The following PDGFRB variants were observed in gnomAD, a reference collection of about 807,000 sequenced individuals.
PDGFRB encodes the protein platelet derived growth factor receptor beta.
In PDGFRB, 42 loss-of-function variants were observed where a neutral mutation model predicts 120.2. The observed-to-expected ratio is 0.35, with a 90% CI of 0.27 to 0.45. PDGFRB has a LOEUF of 0.45. PDGFRB is among the 20% of genes least tolerant of loss of function. The probability of loss-of-function intolerance (pLI) is 1.00; values close to 1 mark genes in which losing one functional copy is unlikely to be tolerated. For synonymous variants in PDGFRB, 586 were observed against 606.8 expected (o/e 0.97, Z 0.50); for missense variants, 1,149 against 1,476.3 (o/e 0.78, Z 3.63).
chr5:150,152,143 G>C (rs1761095630), intron 1 of PDGFRB, among the ~76,000 whole-genome samples: 1 of 151,980 alleles, frequency 6.6e-6, no homozygotes, highest in Non-Finnish European at 1.5e-5. Flanking sequence ...CAGACCTCGG[G>C]TGATCCACCC....
rs1420327917 is a variant in PDGFRB at position 150,123,216 on chromosome 5, G to C, written c.2024-15C>G. ...ATAGATGGGTCCTGCAGAGGGACAG[G>C]CTCAGGGACAGTCCCTATGGAGGCC... On this transcript the variant is annotated splice_polypyrimidine_tract_variant and intron_variant, in intron 14 of 22. Coordinates refer to ENST00000261799, the MANE Select transcript of PDGFRB (RefSeq NM_002609.4). 1 of 1,606,902 alleles carries C rather than the reference G, an allele frequency of 6.2e-7. No individual in the cohort carries two copies. Among genetic ancestry groups the C allele is most frequent in the Non-Finnish European group, 8.5e-7 (1 of 1,175,570 alleles).
At chr5:150,142,844 TTC>T (rs1330294566) in intron 1 of PDGFRB, among the ~76,000 whole-genome samples, 7 of 152,178 alleles carry the variant, frequency 4.6e-5, no homozygotes, top group Admixed American at 4.6e-4. Flanking sequence ...TGTGACTGTG[TTC>T]TCTCTCTTAA....
At chr5:150,133,127 TG>T (rs1430690736) in intron 6 of PDGFRB, among the ~76,000 whole-genome samples, 185 bp from the exon 7 acceptor site, 4 of 152,152 alleles carry the variant, frequency 2.6e-5, no homozygotes, top group Non-Finnish European at 4.4e-5. Context: ...GGGGCTAATA[TG>T]GATGCTGGGG....
At position 150,132,856 on chromosome 5, in the gene PDGFRB, C is replaced by T. The variant is rs942220808; in HGVS notation, c.1021G>A (p.Glu341Lys). Reference sequence around the variant, plus strand: ...AGGACAGTGGGCGGTGGGTAGGCCTCGAACACTACCTGCAGTGTCCGGCTC... The same window carrying T: ...AGGACAGTGGGCGGTGGGTAGGCCTTGAACACTACCTGCAGTGTCCGGCTC... ...HRSRTLQVVF[E>K]AYPPPTVLWF... Residue 341 changes from glutamate to lysine, a missense_variant, in exon 7 of 23, where the codon GAG (glutamate) becomes AAG (lysine). By Grantham distance (56) the Glu-to-Lys change is moderately conservative. Coordinates refer to ENST00000261799, the MANE Select transcript of PDGFRB (RefSeq NM_002609.4). The surrounding 1 kb of genome is among the most constrained non-coding windows in gnomAD (Gnocchi z 5.0). 5 of 1,607,098 alleles carry T rather than the reference C, an allele frequency of 3.1e-6. No homozygotes were observed. Among genetic ancestry groups the T allele is most frequent in the African/African-American group, 2.7e-5 (2 of 74,818 alleles).
intron 10 of PDGFRB, among the ~76,000 whole-genome samples, chr5:150,128,876 T>C (rs1161437056): frequency 1.3e-5 from 2 of 152,194 alleles, no homozygotes; most frequent in African/African-American, 4.8e-5. Flanking sequence ...CCTTTGACCT[T>C]TATACTTCAA....
intron 1 of PDGFRB, among the ~76,000 whole-genome samples, chr5:150,139,588 C>T (rs12523235): frequency 0.22 from 33,481 of 152,028 alleles, 3,950 homozygotes; most frequent in African/African-American, 0.28. Context: ...TCTCATTCCA[C>T]GAAAGGAATT....
chr5:150,127,681 A>C (rs1394954223), intron 10 of PDGFRB, among the ~76,000 whole-genome samples: 1 of 151,818 alleles, frequency 6.6e-6, no homozygotes, highest in African/African-American at 2.4e-5. Flanking sequence ...TAAAAATACA[A>C]AAAATAGCTG....
intron 1 of PDGFRB, chr5:150,137,288 T>G (rs1760660510): frequency 4.0e-6 from 2 of 499,386 alleles, no homozygotes; most frequent in African/African-American, 4.0e-5. Context: ...TTGGCTCTGC[T>G]TGTGACTCTC....
intron 11 of PDGFRB, among the ~76,000 whole-genome samples, 165 bp from the exon 12 acceptor site, chr5:150,125,742 C>T (rs1413112932): frequency 1.3e-5 from 2 of 152,190 alleles, no homozygotes; most frequent in Admixed American, 6.5e-5. Context: ...CCAAGGTCTT[C>T]GTGGGCTCGG....
At chr5:150,119,965 A>G in intron 19 of PDGFRB, 47 bp downstream of exon 19, 1 of 954,354 alleles carries the variant, frequency 1.0e-6, no homozygotes, top group African/African-American at 1.6e-5. Flanking sequence ...TGGTCGAGGT[A>G]GACACCAGGC....
rs537184213 is a variant in PDGFRB, at chr5:150,138,278, C to T, written c.-6-1225G>A. ...GCCTGGCCTGCCTCTGAAGGCCATG[C>T]CCAGCTTGCCCCTACCTCCCCATCT... On this transcript the variant is annotated intron_variant, in intron 1 of 22. Coordinates refer to ENST00000261799, the MANE Select transcript of PDGFRB (RefSeq NM_002609.4). 5.3e-5 allele frequency among the ~76,000 whole-genome samples: 8 copies of T among 152,290 alleles called. No homozygotes were observed. The East Asian group carries it at 1.5e-3, about 29-fold the overall frequency.
At chr5:150,136,612 G>C (rs1013884125) in intron 2 of PDGFRB, among the ~76,000 whole-genome samples, 2 of 152,142 alleles carry the variant, frequency 1.3e-5, no homozygotes, top group African/African-American at 4.8e-5. Flanking sequence ...ACATGTTAAC[G>C]GGCAGGAGTG....
chr5:150,150,276 C>T (rs1397742748), intron 1 of PDGFRB, among the ~76,000 whole-genome samples: 4 of 152,166 alleles, frequency 2.6e-5, no homozygotes, highest in African/African-American at 4.8e-5. Flanking sequence ...ATGATCTGTA[C>T]GGACCTTAGG....
At chr5:150,154,632 G>A (rs1761180428) in intron 1 of PDGFRB, among the ~76,000 whole-genome samples, 1 of 152,216 alleles carries the variant, frequency 6.6e-6, no homozygotes, top group Non-Finnish European at 1.5e-5. Flanking sequence ...TTATGCTTTA[G>A]AATGGCATGG....
rs1760195420 is a variant in PDGFRB, at chr5:150,123,133, G to A, written c.2092C>T (p.His698Tyr). 6.2e-7 allele frequency: 1 copy of A among 1,613,758 alleles called. No individual in the cohort carries two copies. Among genetic ancestry groups the A allele is most frequent in the South Asian group, 1.1e-5 (1 of 91,086 alleles). ...DLVDYLHRNK[H>Y]TFLQHHSDKR... ...TCGGAGTGGTGCTGCAGGAAGGTGT[G>A]TTTGTTGCGGTGCAGGTAGTCCACC... The change falls in exon 15 of 23, where the codon CAC becomes TAC. Residue 698 changes from histidine (H) to tyrosine (Y), a missense_variant. Physicochemically the swap from His to Tyr is moderately conservative, Grantham distance 83 (BLOSUM62 2). Transcript: ENST00000261799.
chr5:150,117,299 T>C (rs1029939738), intron 22 of PDGFRB, among the ~76,000 whole-genome samples: 6 of 152,058 alleles, frequency 3.9e-5, no homozygotes, highest in African/African-American at 1.4e-4. Flanking sequence ...GCTTCTTCTT[T>C]TTGGGGCTAG....
At chr5:150,116,027 T>C in intron 22 of PDGFRB, 81 bp from the exon 23 acceptor site, 1 of 1,237,282 alleles carries the variant, frequency 8.1e-7, no homozygotes, top group Non-Finnish European at 1.1e-6. Context: ...GCCTTCGGTG[T>C]GTCCACCCCT....
chr5:150,118,817 A>C lies in PDGFRB; in HGVS notation c.2834T>G (p.Phe945Cys). Residue 945 changes from phenylalanine to cysteine, a missense_variant, in exon 21 of 23, where the codon TTT (phenylalanine) becomes TGT (cysteine). This residue lies in a region of PDGFRB where 202 missense variants were observed against 214.3 expected (regional missense o/e 0.94). Coordinates refer to ENST00000261799, the MANE Select transcript of PDGFRB (RefSeq NM_002609.4). Reference sequence around the variant, plus strand: ...CTGGGAGAAGGGGGGCCGAATCTCAAACTTCTCTTCCCAGCACTTCTGCAT... The same window carrying C: ...CTGGGAGAAGGGGGGCCGAATCTCACACTTCTCTTCCCAGCACTTCTGCAT... ...EIMQKCWEEK[F>C]EIRPPFSQLV... 1 of 1,613,130 alleles carries C rather than the reference A, an allele frequency of 6.2e-7. No individual in the cohort carries two copies. The highest frequency in any genetic ancestry group is 1.1e-5 in the South Asian group (1 of 91,018).
intron 1 of PDGFRB, among the ~76,000 whole-genome samples, chr5:150,146,953 G>A (rs1385282150): frequency 6.6e-6 from 1 of 152,220 alleles, no homozygotes; most frequent in Non-Finnish European, 1.5e-5. Context: ...TCGAGCTAGG[G>A]ATAGAACCCA....
Sources: gnomAD v4.1 joint callset for allele counts (sites outside exome capture counted in the v4.1 genomes callset) on GRCh38, gnomAD v4.1.1 for gene constraint, gnomAD v4.1.1 regional missense constraint, Gnocchi (gnomAD v3.1) non-coding constraint, MANE v1.5 for transcripts, NCBI Gene and HGNC (gene_info 2026-07-23, HGNC 2026-07-21) for gene names.